Variants in KANK1 observed in about 807,000 individuals in gnomAD.
KANK1 encodes the protein KN motif and ankyrin repeat domains 1.
KANK1 carries 109 observed loss-of-function variants against 106.2 expected under a neutral mutation model. That is an observed-to-expected ratio of 1.03 (90% CI 0.88 to 1.20). The LOEUF (loss-of-function observed/expected upper bound fraction) is 1.20, where lower values mean the gene tolerates loss of function less well. Among genes scored for constraint, KANK1 ranks in the 50% most tolerant of loss-of-function variants. The pLI is 0.00. For missense variants in KANK1, 2,399 were observed against 1,710.7 expected (o/e 1.40, Z -7.10); for synonymous variants, 873 against 652.2 (o/e 1.34, Z -5.16).
At chr9:489,771 A>G (rs1383265893) in intron 3 of KANK1, among the ~76,000 whole-genome samples, 1 of 152,216 alleles carries the variant, frequency 6.6e-6, no homozygotes, top group Non-Finnish European at 1.5e-5. Context: ...GTTTGAAGAA[A>G]AATAATAGTA....
chr9:636,230 C>T (rs1287249066), intron 1 of KANK1, among the ~76,000 whole-genome samples: 1 of 152,102 alleles, frequency 6.6e-6, no homozygotes, highest in Non-Finnish European at 1.5e-5. Flanking sequence ...GAGAGCTCTG[C>T]TCTTAGATCT....
In KANK1 at chr9:517,885, C is replaced by T. The variant is rs369346830; in HGVS notation, c.-84+13131C>T. On this transcript the variant is annotated intron_variant, in intron 1 of 11. Transcript: ENST00000382297. ...TCCCAAGTAGCTGGAATTACGGAGT[C>T]CCCCACCATGCCTCGCTAATTTTTG... Among the ~76,000 whole-genome samples, 86 of 151,248 alleles carry T rather than the reference C, an allele frequency of 5.7e-4. 2 individuals are homozygous for T. Among genetic ancestry groups the T allele is most frequent in the African/African-American group, 2.1e-3 (85 of 40,804 alleles).
At chr9:635,020 C>T (rs1836748538) in intron 1 of KANK1, among the ~76,000 whole-genome samples, 1 of 152,140 alleles carries the variant, frequency 6.6e-6, no homozygotes, top group South Asian at 2.1e-4. Flanking sequence ...CCCTAGAGAA[C>T]ATCTTACATT....
chr9:641,096 C>G (rs1367903426), intron 1 of KANK1, among the ~76,000 whole-genome samples: 2 of 152,066 alleles, frequency 1.3e-5, no homozygotes, highest in Non-Finnish European at 1.5e-5. Context: ...TGTTGATAGC[C>G]CAAACCAATT....
At chr9:692,187 C>G (rs1395774662) in intron 2 of KANK1, among the ~76,000 whole-genome samples, 1 of 152,142 alleles carries the variant, frequency 6.6e-6, no homozygotes, top group Non-Finnish European at 1.5e-5. Flanking sequence ...CTGCACATGC[C>G]CTGCCTTATT....
Position 731,986 on chromosome 9 carries a change from T to C in KANK1, c.3006-392T>C, listed in dbSNP as rs149746946. The C allele has an allele frequency of 7.8e-4, 127 of 162,692 alleles. 2 individuals carry two copies. Among genetic ancestry groups the C allele is most frequent in the Middle Eastern group, 6.5e-3 (2 of 308 alleles). The allele number at this position is 162,692 out of a possible 1,614,324, so 10.1% of individuals were successfully genotyped here. A position where few individuals can be genotyped will look rare whatever the true frequency, so the allele number is the denominator to read the frequency against. ...GGGCATACACCAGAAAAACTATCGA[T>C]TGCCTATGTAATCTATTCCCCTTGA... On this transcript the variant is annotated intron_variant, in intron 5 of 11. Coordinates refer to ENST00000382297, the MANE Select transcript of KANK1 (RefSeq NM_015158.5).
intron 1 of KANK1, among the ~76,000 whole-genome samples, chr9:617,000 A>G (rs986908123): frequency 1.3e-5 from 2 of 152,206 alleles, no homozygotes; most frequent in African/African-American, 4.8e-5. Context: ...ATAGTAATGT[A>G]ATCTACCACA....
chr9:551,774 G>A (rs914717393), intron 1 of KANK1, among the ~76,000 whole-genome samples: 1 of 152,002 alleles, frequency 6.6e-6, no homozygotes, highest in African/African-American at 2.4e-5. Context: ...GGGGCCAGGT[G>A]CAGTGTCTCA....
intron 1 of KANK1, among the ~76,000 whole-genome samples, chr9:652,989 C>G (rs1030058074): frequency 6.6e-6 from 1 of 152,184 alleles, no homozygotes; most frequent in South Asian, 2.1e-4. Context: ...CTGAATAGTC[C>G]TCACTGTGCC....
At chr9:491,218 C>A (rs2058372509) in intron 3 of KANK1, among the ~76,000 whole-genome samples, 1 of 151,790 alleles carries the variant, frequency 6.6e-6, no homozygotes, top group African/African-American at 2.4e-5. Flanking sequence ...ACCTCGGCCT[C>A]CCAAAGTGCT....
At chr9:730,773 G>A (rs1342929749) in intron 4 of KANK1, 17 of 180,670 alleles carry the variant, frequency 9.4e-5, no homozygotes, top group South Asian at 3.6e-4. Flanking sequence ...TTTTATTCAC[G>A]TTCTGGCAGG....
At chr9:608,523 A>T (rs564891611) in intron 1 of KANK1, among the ~76,000 whole-genome samples, 1 of 151,922 alleles carries the variant, frequency 6.6e-6, no homozygotes, top group East Asian at 1.9e-4. Flanking sequence ...GATGAAGATG[A>T]TTGACTTTAG....
At chr9:652,792 T>A (rs1430667787) in intron 1 of KANK1, among the ~76,000 whole-genome samples, 3 of 152,238 alleles carry the variant, frequency 2.0e-5, no homozygotes, top group Non-Finnish European at 2.9e-5. Flanking sequence ...GAATTACGGC[T>A]GATTTTTTAC....
At chr9:610,510 A>C (rs912919265) in intron 1 of KANK1, among the ~76,000 whole-genome samples, 2 of 152,196 alleles carry the variant, frequency 1.3e-5, no homozygotes, top group Non-Finnish European at 2.9e-5. Context: ...TGGATAAGCC[A>C]TAGAGGTGTC....
chr9:560,306 G>C (rs893575119), intron 1 of KANK1, among the ~76,000 whole-genome samples: 1 of 152,204 alleles, frequency 6.6e-6, no homozygotes, highest in Non-Finnish European at 1.5e-5. Context: ...AGTTGGAAAA[G>C]CATGGGCTTG....
intron 1 of KANK1, among the ~76,000 whole-genome samples, chr9:593,466 A>C: frequency 2.3e-5 from 3 of 128,208 alleles, no homozygotes; most frequent in Admixed American, 7.7e-5. Flanking sequence ...CCCCCCATAT[A>C]CTTGCATTTT....
chr9:571,641 T>C (rs1043652685), intron 1 of KANK1, among the ~76,000 whole-genome samples: 1 of 152,190 alleles, frequency 6.6e-6, no homozygotes, highest in Non-Finnish European at 1.5e-5. Flanking sequence ...CCCAGGCACT[T>C]TTTAATCTCA....
chr9:734,688 G>A (rs976938741), intron 6 of KANK1, 60 bp from the exon 7 acceptor site: 3 of 1,268,930 alleles, frequency 2.4e-6, no homozygotes, highest in East Asian at 4.7e-5. Flanking sequence ...AGATATTTGG[G>A]TTGAAATAAA....
intron 1 of KANK1, among the ~76,000 whole-genome samples, chr9:534,149 G>T (rs1431971504): frequency 1.3e-5 from 2 of 152,170 alleles, no homozygotes; most frequent in Admixed American, 6.5e-5. Flanking sequence ...CTTGGAAAGG[G>T]CATAGAGTAA....
Sources: gnomAD v4.1 joint callset for allele counts (sites outside exome capture counted in the v4.1 genomes callset) on GRCh38, gnomAD v4.1.1 for gene constraint, MANE v1.5 for transcripts, NCBI Gene and HGNC (gene_info 2026-07-23, HGNC 2026-07-21) for gene names.